The following RNF180 variants were observed in gnomAD, a reference collection of about 807,000 sequenced individuals.
RNF180 encodes E3 ubiquitin-protein ligase RNF180.
A neutral mutation model predicts 59.2 loss-of-function variants in RNF180; 38 were observed. The ratio of observed to expected loss-of-function variants is 0.64; its 90% CI spans 0.50 to 0.84. RNF180 has a LOEUF of 0.84. Among genes scored for constraint, RNF180 ranks in the 40% least tolerant of loss-of-function variants. The pLI, the probability that RNF180 is intolerant of heterozygous loss-of-function variation, is 0.00. For synonymous variants in RNF180, 262 were observed against 240.3 expected (o/e 1.09, Z -0.84); for missense variants, 705 against 700.9 (o/e 1.01, Z -0.07).
At chr5:64,310,922 A>G (rs769535354) in intron 5 of RNF180, among the ~76,000 whole-genome samples, 2 of 151,938 alleles carry the variant, frequency 1.3e-5, no homozygotes, top group Non-Finnish European at 2.9e-5. Flanking sequence ...AATTCACAGG[A>G]ACTCTGGATA....
intron 2 of RNF180, among the ~76,000 whole-genome samples, chr5:64,206,077 G>A (rs1340167191): frequency 2.6e-5 from 4 of 152,168 alleles, no homozygotes; most frequent in African/African-American, 9.6e-5. Context: ...ATTCTAGAGG[G>A]AGCTAGTTTG....
intron 5 of RNF180, among the ~76,000 whole-genome samples, chr5:64,250,211 CA>C (rs1299147853): frequency 6.6e-6 from 1 of 152,004 alleles, no homozygotes; most frequent in African/African-American, 2.4e-5. Context: ...TGCTCCTGAA[CA>C]ACCAATGGGT....
chr5:64,210,047 C>T (rs1490843091), intron 2 of RNF180, among the ~76,000 whole-genome samples: 3 of 151,954 alleles, frequency 2.0e-5, no homozygotes, highest in African/African-American at 7.2e-5. Flanking sequence ...AAATTAATCA[C>T]TATTAGAACT....
chr5:64,239,752 A>G (rs1244203286), intron 5 of RNF180, among the ~76,000 whole-genome samples: 1 of 152,164 alleles, frequency 6.6e-6, no homozygotes, highest in South Asian at 2.1e-4. Context: ...ATAAATAACG[A>G]TCATCTTAAA....
At chr5:64,257,194 G>A (rs1029797196) in intron 5 of RNF180, among the ~76,000 whole-genome samples, 6 of 151,930 alleles carry the variant, frequency 3.9e-5, no homozygotes, top group Non-Finnish European at 8.8e-5. Context: ...TACCCTTTAT[G>A]TATTTCTCCT....
intron 5 of RNF180, among the ~76,000 whole-genome samples, chr5:64,301,880 T>G (rs1397314425): frequency 6.6e-6 from 1 of 151,580 alleles, no homozygotes; most frequent in African/African-American, 2.4e-5. Flanking sequence ...AGCTTGAAGG[T>G]TAATAGGGCA....
intron 5 of RNF180, among the ~76,000 whole-genome samples, chr5:64,220,145 T>G (rs187700660): frequency 3.3e-5 from 5 of 152,220 alleles, no homozygotes; most frequent in Admixed American, 3.3e-4. Context: ...TTTATTAAGT[T>G]TATTGATATT....
At chr5:64,343,031 A>T (rs949901437) in intron 7 of RNF180, among the ~76,000 whole-genome samples, 2 of 152,168 alleles carry the variant, frequency 1.3e-5, no homozygotes, top group African/African-American at 2.4e-5. Flanking sequence ...AGAAAGGTCC[A>T]GTCCTCTCTG....
intron 7 of RNF180, among the ~76,000 whole-genome samples, chr5:64,348,432 A>C (rs1216675416): frequency 6.6e-6 from 1 of 152,118 alleles, no homozygotes; most frequent in Non-Finnish European, 1.5e-5. Context: ...ATTCACACAT[A>C]AAGGATAGGT....
At position 64,254,336 on chromosome 5, in the gene RNF180, C is replaced by T. The variant is rs535321766; in HGVS notation, c.1227+36940C>T. Among the ~76,000 whole-genome samples, 17 of 152,244 alleles carry T rather than the reference C, an allele frequency of 1.1e-4. No homozygotes were observed. The East Asian group carries it at 3.1e-3, about 28-fold the overall frequency. Reference sequence around the variant, plus strand: ...AGTGGTGTTTCATCTAATAATTCCTCTTCCTCAGAGATTGGCAGAACCATA... The same window carrying T: ...AGTGGTGTTTCATCTAATAATTCCTTTTCCTCAGAGATTGGCAGAACCATA... On this transcript the variant is annotated intron_variant, in intron 5 of 7. Transcript: ENST00000389100.
At chr5:64,349,769 A>T (rs1033656661) in intron 7 of RNF180, among the ~76,000 whole-genome samples, 2 of 152,058 alleles carry the variant, frequency 1.3e-5, no homozygotes, top group Non-Finnish European at 2.9e-5. Context: ...ACGTGAACTC[A>T]TCCTTTTTTA....
At chr5:64,333,783 T>C (rs565865805) in intron 7 of RNF180, among the ~76,000 whole-genome samples, 1 of 152,164 alleles carries the variant, frequency 6.6e-6, no homozygotes, top group Non-Finnish European at 1.5e-5. Flanking sequence ...ACTTAATTTT[T>C]TAAGTGTGTG....
At chr5:64,294,471 A>G (rs1439713247) in intron 5 of RNF180, among the ~76,000 whole-genome samples, 1 of 152,200 alleles carries the variant, frequency 6.6e-6, no homozygotes, top group African/African-American at 2.4e-5. Context: ...ATCTATTTAA[A>G]CTTTAATGTA....
intron 5 of RNF180, among the ~76,000 whole-genome samples, chr5:64,244,596 A>G (rs1386599021): frequency 6.6e-6 from 1 of 152,196 alleles, no homozygotes; most frequent in African/African-American, 2.4e-5. Context: ...ATGTGAAAAG[A>G]CCAAACCTAC....
intron 5 of RNF180, among the ~76,000 whole-genome samples, chr5:64,254,727 T>C (rs1476857966): frequency 6.6e-6 from 1 of 152,172 alleles, no homozygotes; most frequent in East Asian, 1.9e-4. Context: ...TAGGCGAAGC[T>C]TATTCTATCT....
intron 1 of RNF180, among the ~76,000 whole-genome samples, chr5:64,197,413 T>C (rs1751509741): frequency 2.0e-5 from 3 of 152,326 alleles, no homozygotes; most frequent in South Asian, 2.1e-4. Flanking sequence ...AATATTAAGA[T>C]GTTGTTTGCC....
intron 7 of RNF180, among the ~76,000 whole-genome samples, chr5:64,359,390 G>A (rs1466428950): frequency 6.6e-6 from 1 of 151,896 alleles, no homozygotes; most frequent in African/African-American, 2.4e-5. Flanking sequence ...GGCCAGTGAT[G>A]ATGAGCATTT....
chr5:64,178,202 CAA>C (rs67465847), intron 1 of RNF180, among the ~76,000 whole-genome samples: 90 of 86,796 alleles, frequency 1.0e-3, no homozygotes, highest in Middle Eastern at 5.6e-3. Context: ...GACTCCATCT[CAA>C]AAAAAAAAAA....
intron 1 of RNF180, among the ~76,000 whole-genome samples, chr5:64,185,515 G>A (rs1227899736): frequency 6.6e-6 from 1 of 152,118 alleles, no homozygotes; most frequent in Non-Finnish European, 1.5e-5. Flanking sequence ...TCATAATTTA[G>A]TTTCTAATTA....
Sources: allele counts gnomAD v4.1 joint callset (sites outside exome capture counted in the v4.1 genomes callset), GRCh38; gene constraint gnomAD v4.1.1; transcripts MANE v1.5; gene names NCBI Gene and HGNC (gene_info 2026-07-23, HGNC 2026-07-21).